Variants in USP9X observed in about 807,000 individuals in gnomAD.
USP9X encodes ubiquitin carboxyl-terminal hydrolase 9X.
Under a neutral mutation model 190.3 loss-of-function variants are expected in USP9X, and 7 were observed. The ratio of observed to expected loss-of-function variants is 0.04; its 90% confidence interval spans 0.02 to 0.07. The LOEUF (loss-of-function observed/expected upper bound fraction) is 0.07. Among genes scored for constraint, USP9X ranks in the 10% least tolerant of loss-of-function variants. USP9X has a pLI of 1.00. For missense variants in USP9X, 1,010 were observed against 1,916.9 expected, an observed-to-expected ratio of 0.53 and a Z score of 8.83; for synonymous variants, 645 against 659.5, an observed-to-expected ratio of 0.98 and a Z score of 0.34.
intron 21 of USP9X, among the ~76,000 whole-genome samples, chrX:41,182,353 G>C (rs1034239364): frequency 1.8e-5 from 2 of 109,649 alleles, no homozygotes; most frequent in African/African-American, 6.6e-5. Flanking sequence ...CTGGGTGACA[G>C]AGTGAGACCC....
chrX:41,217,232 T>C lies in USP9X; in HGVS notation c.6098T>C (p.Leu2033Pro). The change falls in exon 36 of 45, where the codon CTG (leucine) becomes CCG (proline). Residue 2033 changes from leucine to proline, a missense_variant. Leu to Pro is a moderately conservative substitution (Grantham distance 98). Transcript: ENST00000378308. ...ATTTTATTTATAGGGCAAGATCACC[T>C]GTTGCCTGAAGCAGAAGAAATCACT... Reference protein sequence around the residue: ...YLNPPPGQDHLLPEAEEITMI... With the variant: ...YLNPPPGQDHPLPEAEEITMI... The C allele has an allele frequency of 8.3e-7, 1 of 1,206,145 alleles. No individual in the cohort carries two copies. Among genetic ancestry groups the C allele is most frequent in the Non-Finnish European group, 1.1e-6 (1 of 893,523 alleles).
chrX:41,146,350 G>A (rs1047763651), intron 11 of USP9X, among the ~76,000 whole-genome samples: 6 of 112,253 alleles, frequency 5.3e-5, no homozygotes, highest in African/African-American at 1.9e-4. Flanking sequence ...GAAAGTTTCT[G>A]CTAAAGATGA....
At chrX:41,204,652 G>A (rs999193737) in intron 31 of USP9X, among the ~76,000 whole-genome samples, 3 of 111,428 alleles carry the variant, frequency 2.7e-5, no homozygotes, top group South Asian at 7.4e-4. Flanking sequence ...TTATAATGTC[G>A]TATTTTTACT....
intron 20 of USP9X, 154 bp from the exon 21 acceptor site, chrX:41,171,684 G>A: frequency 1.5e-6 from 1 of 662,168 alleles, no homozygotes; most frequent in Non-Finnish European, 2.4e-6. Flanking sequence ...TTAAGGATTT[G>A]TAGGGATTAA....
intron 38 of USP9X, among the ~76,000 whole-genome samples, chrX:41,220,991 C>T (rs1446908906): frequency 3.1e-5 from 3 of 96,296 alleles, no homozygotes; most frequent in Admixed American, 2.3e-4. Flanking sequence ...GGGCCAGGCG[C>T]GGTGGCTCAC....
chrX:41,120,599 G>A (rs1307833410), intron 1 of USP9X, among the ~76,000 whole-genome samples: 7 of 110,004 alleles, frequency 6.4e-5, no homozygotes, highest in African/African-American at 2.3e-4. Context: ...CCAGGTTCAC[G>A]CCATTCTCCT....
rs1406806815 is a variant in USP9X, at chrX:41,235,658, A to T, written c.*3134A>T. 1 of 112,424 alleles carries T rather than the reference A, an allele frequency of 8.9e-6. No homozygotes were observed. The highest frequency in any genetic ancestry group is 1.9e-5 in the Non-Finnish European group (1 of 53,195). 9.3% of individuals were successfully genotyped at this position (112,424 alleles called of 1,213,427 possible). A position where few individuals can be genotyped will look rare whatever the true frequency, so the allele number is the denominator to read the frequency against. Reference sequence around the variant, plus strand: ...CTGTTTCTAAGCCCTCCACCAACTGAACTTTCATGTTTAGCATTGTAGAGG... The same window carrying T: ...CTGTTTCTAAGCCCTCCACCAACTGTACTTTCATGTTTAGCATTGTAGAGG... On this transcript the variant is annotated 3_prime_UTR_variant, in exon 45 of 45. Transcript: ENST00000378308.
intron 1 of USP9X, among the ~76,000 whole-genome samples, chrX:41,106,264 T>A (rs1347518205): frequency 1.8e-5 from 2 of 111,700 alleles, no homozygotes; most frequent in African/African-American, 6.5e-5. Flanking sequence ...ATAGTTTTTT[T>A]ATCTTATATT....
chrX:41,187,938 A>T, intron 24 of USP9X, 54 bp from the exon 25 acceptor site: 1 of 1,151,180 alleles, frequency 8.7e-7, no homozygotes, highest in Non-Finnish European at 1.2e-6. Flanking sequence ...TGTTTTTCTA[A>T]ACATAATTTC....
At chrX:41,178,769 C>T (rs1294005048) in intron 21 of USP9X, among the ~76,000 whole-genome samples, 1 of 111,555 alleles carries the variant, frequency 9.0e-6, no homozygotes, top group Admixed American at 9.5e-5. Context: ...GAAGTCTTAG[C>T]CAAAAAGTCC....
intron 24 of USP9X, among the ~76,000 whole-genome samples, chrX:41,187,139 C>T (rs981852694): frequency 8.0e-5 from 9 of 112,291 alleles, no homozygotes; most frequent in Non-Finnish European, 1.1e-4. Flanking sequence ...GGCCCAGATT[C>T]GGTGAATTTT....
intron 6 of USP9X, among the ~76,000 whole-genome samples, chrX:41,138,150 C>T (rs938080551): frequency 9.0e-6 from 1 of 111,579 alleles, no homozygotes; most frequent in Non-Finnish European, 1.9e-5. Flanking sequence ...TATGGAGTTA[C>T]CTTCACATTT....
chrX:41,203,164 T>G (rs1233706839), intron 31 of USP9X, among the ~76,000 whole-genome samples: 7 of 110,817 alleles, frequency 6.3e-5, no homozygotes, highest in Non-Finnish European at 9.4e-5. Flanking sequence ...CTTACACCAC[T>G]ACTTCTGTTG....
intron 1 of USP9X, among the ~76,000 whole-genome samples, chrX:41,122,091 T>TG (rs781144281): frequency 9.1e-6 from 1 of 110,399 alleles, no homozygotes; most frequent in Admixed American, 9.6e-5. Context: ...CAGAGGTTTT[T>TG]GGGGGGTTTT....
intron 38 of USP9X, among the ~76,000 whole-genome samples, chrX:41,220,967 T>A (rs1213146061): frequency 1.0e-5 from 1 of 99,798 alleles, no homozygotes; most frequent in African/African-American, 3.7e-5. Context: ...AAACTTGTTA[T>A]AATAATAGCT....
intron 6 of USP9X, among the ~76,000 whole-genome samples, chrX:41,140,028 A>C: frequency 8.9e-6 from 1 of 111,993 alleles, no homozygotes; most frequent in South Asian, 3.7e-4. Flanking sequence ...TGGTACTTTG[A>C]GCTACAGCTC....
intron 1 of USP9X, among the ~76,000 whole-genome samples, chrX:41,113,445 C>T (rs867340673): frequency 1.8e-5 from 2 of 111,208 alleles, no homozygotes; most frequent in South Asian, 3.7e-4. Context: ...GTGATCTGCC[C>T]GCCTCGGCCT....
rs944933547 is a variant in USP9X at position 41,085,857 on chromosome X, C to T, written c.-411C>T. 4 of 297,614 alleles carry T rather than the reference C, an allele frequency of 1.3e-5. No individual in the cohort carries two copies. Among genetic ancestry groups the T allele is most frequent in the East Asian group, 4.8e-5 (1 of 21,006 alleles). The allele number at this position is 297,614 out of a possible 1,213,427, so 24.5% of individuals were successfully genotyped here. A position where few individuals can be genotyped will look rare whatever the true frequency, so the allele number is the denominator to read the frequency against. On this transcript the variant is annotated 5_prime_UTR_variant, in exon 1 of 45. Transcript: ENST00000378308. Reference sequence around the variant, plus strand: ...GCCTGAGGGGAGAAGGGGAAGAGGGCCGTCGCCGGCCAAGGAGGAGGAGGA... The same window carrying T: ...GCCTGAGGGGAGAAGGGGAAGAGGGTCGTCGCCGGCCAAGGAGGAGGAGGA...
At position 41,233,343 on chromosome X, in the gene USP9X, CAT is replaced by C. The variant is rs2063377512; in HGVS notation, c.*822_*823del. The C allele has an allele frequency of 8.9e-6, 1 of 111,854 alleles. No individual in the cohort carries two copies. Among genetic ancestry groups the C allele is most frequent in the Admixed American group, 9.5e-5 (1 of 10,489 alleles). 9.2% of individuals were successfully genotyped at this position (111,854 alleles called of 1,213,427 possible). On this transcript the variant is annotated 3_prime_UTR_variant, in exon 45 of 45. Transcript: ENST00000378308. ...ATGTGACAGTCTATTTTCAGTTGCA[CAT>C]ATGTTCCTTATATATAATGTTTGAC...
Sources: gnomAD v4.1 joint callset for allele counts (sites outside exome capture counted in the v4.1 genomes callset) on GRCh38, gnomAD v4.1.1 for gene constraint, MANE v1.5 for transcripts, NCBI Gene and HGNC (gene_info 2026-07-23, HGNC 2026-07-21) for gene names.